KCNJ10: variants seen among roughly 807,000 people sequenced by gnomAD.
KCNJ10 encodes the protein potassium inwardly rectifying channel subfamily J member 10, also known as ATP-sensitive inward rectifier potassium channel 10.
A neutral mutation model predicts 22.2 loss-of-function variants in KCNJ10; 9 were observed. The observed-to-expected ratio is 0.40, with a 90% CI of 0.24 to 0.71. The LOEUF is 0.71. KCNJ10 is among the 30% of genes least tolerant of loss of function. The pLI is 0.35. For synonymous variants in KCNJ10, 184 were observed against 187.3 expected (o/e 0.98, Z 0.15); for missense variants, 337 against 482.7 (o/e 0.70, Z 2.83).
chr1:160,053,407 AAG>A (rs1648950559), intron 1 of KCNJ10, among the ~76,000 whole-genome samples: 1 of 152,206 alleles, frequency 6.6e-6, no homozygotes, highest in Non-Finnish European at 1.5e-5. Flanking sequence ...GGAGAGGGGT[AAG>A]AGAGGAAGGG....
At chr1:160,063,424 A>T (rs1479886896) in intron 1 of KCNJ10, 1 of 152,228 alleles carries the variant, frequency 6.6e-6, no homozygotes, top group Non-Finnish European at 1.5e-5. Flanking sequence ...TGCTCCCCAC[A>T]CGGCAAGACA....
chr1:160,037,822 G>A lies in KCNJ10; in HGVS notation c.*3571C>T, dbSNP rs1648511425. The A allele has an allele frequency of 6.6e-6, 1 of 152,540 alleles. No individual in the cohort carries two copies. The highest frequency in any genetic ancestry group is 1.5e-5 in the Non-Finnish European group (1 of 68,364). The allele number at this position is 152,540 out of a possible 1,614,324, so 9.4% of individuals were successfully genotyped here. A position where few individuals can be genotyped will look rare whatever the true frequency, so the allele number is the denominator to read the frequency against. On this transcript the variant is annotated 3_prime_UTR_variant, in exon 2 of 2. Transcript: ENST00000644903. ...GCTCAGACCTTATAGGGAAACTACT[G>A]GATGATTTTATTAGGCTGACAGGGG...
Position 160,041,830 on chromosome 1 carries a change from T to G in KCNJ10, c.703A>C (p.Asn235His). The G allele has an allele frequency of 6.2e-7, 1 of 1,614,192 alleles. No homozygotes were observed. Among genetic ancestry groups the G allele is most frequent in the Non-Finnish European group, 8.5e-7 (1 of 1,180,012 alleles). Residue 235 changes from asparagine to histidine, a missense_variant, in exon 2 of 2, where the codon AAT becomes CAT. Asn to His is a moderately conservative substitution (Grantham distance 68). Transcript: ENST00000644903. This position sits in a 1 kb window ranked among gnomAD's most constrained non-coding sequence, Gnocchi z 4.4. ...GCTGTGTCTACTTGGAAAGTCACAT[T>G]GACCTGGTTGAGCCGGATGTTCTCC... ...EGENIRLNQV[N>H]VTFQVDTASD...
chr1:160,065,449 C>T (rs1355102946), intron 1 of KCNJ10, among the ~76,000 whole-genome samples: 1 of 152,078 alleles, frequency 6.6e-6, no homozygotes, highest in African/African-American at 2.4e-5. Context: ...TAGAGGAAAC[C>T]CCCGGCTAAT....
intron 1 of KCNJ10, among the ~76,000 whole-genome samples, chr1:160,065,769 T>G (rs754563926): frequency 5.3e-5 from 8 of 152,130 alleles, no homozygotes; most frequent in Non-Finnish European, 1.2e-4. Context: ...TTTTATCCAA[T>G]GCCAACAGAT....
chr1:160,042,215 G>A lies in KCNJ10; in HGVS notation c.318C>T (p.Thr106=). Residue 106 remains threonine (T), a synonymous_variant, in exon 2 of 2, where the codon ACC becomes ACT. Coordinates refer to ENST00000644903, the MANE Select transcript of KCNJ10 (RefSeq NM_002241.5). ...GTGTGTGCACCTGTACCACACAGGG[G>A]GTGTGGTTGGCCGGGGGGTCCAGCT... is the stretch of plus-strand genomic sequence containing the variant. ...LLELDPPANH[T]PCVVQVHTLT... 6.2e-7 allele frequency: 1 copy of A among 1,613,336 alleles called. No individual in the cohort carries two copies. Among genetic ancestry groups the A allele is most frequent in the Non-Finnish European group, 8.5e-7 (1 of 1,179,376 alleles).
intron 1 of KCNJ10, among the ~76,000 whole-genome samples, 167 bp downstream of exon 1, chr1:160,069,855 C>T (rs1649410278): frequency 1.3e-5 from 2 of 152,192 alleles, no homozygotes; most frequent in African/African-American, 4.8e-5. Context: ...TCCCAGGAGG[C>T]TCCATTTGGG....
At chr1:160,066,189 C>G (rs555375478) in intron 1 of KCNJ10, among the ~76,000 whole-genome samples, 32 of 152,254 alleles carry the variant, frequency 2.1e-4, no homozygotes, top group Admixed American at 7.2e-4. Flanking sequence ...CTCAACCACT[C>G]AGTTCTCATT....
At chr1:160,046,381 G>A (rs1478169003) in intron 1 of KCNJ10, among the ~76,000 whole-genome samples, 1 of 152,180 alleles carries the variant, frequency 6.6e-6, no homozygotes, top group Non-Finnish European at 1.5e-5. Flanking sequence ...CCAGAATCCA[G>A]GTCTCCCAGC....
intron 1 of KCNJ10, among the ~76,000 whole-genome samples, chr1:160,057,580 C>T (rs1009942491): frequency 2.0e-4 from 30 of 152,224 alleles, no homozygotes; most frequent in African/African-American, 5.8e-4. Context: ...CTCAGCCTCT[C>T]GCCCTCTTGT....
rs1483666907 is a variant in KCNJ10, at chr1:160,041,238, G to A, written c.*155C>T. 1 of 734,070 alleles carries A rather than the reference G, an allele frequency of 1.4e-6. No homozygotes were observed. The highest frequency in any genetic ancestry group is 1.7e-5 in the African/African-American group (1 of 57,250). The allele number at this position is 734,070 out of a possible 1,614,324, so 45.5% of individuals were successfully genotyped here. ...CAGTGGGAGGCGAACCTGGACTCCA[G>A]TTGGCCTAAGCTACCAACAGGCCAC... is the stretch of plus-strand genomic sequence containing the variant. On this transcript the variant is annotated 3_prime_UTR_variant, in exon 2 of 2. Transcript: ENST00000644903. The surrounding 1 kb of genome is among the most constrained non-coding windows in gnomAD (Gnocchi z 4.4).
At position 160,042,480 on chromosome 1, in the gene KCNJ10, C is replaced by T. The variant is rs115466046; in HGVS notation, c.53G>A (p.Arg18Gln). 0.015 allele frequency: 23,674 copies of T among 1,614,106 alleles called. 200 individuals are homozygous for T. Among genetic ancestry groups the T allele is most frequent in the Middle Eastern group, 0.024 (144 of 6,062 alleles). ...TCGTATCCCTGGGCCCATTAGGGGC[C>T]GGCTTTCTGTCTGAGTGGTCTGACT... is the stretch of plus-strand genomic sequence containing the variant. The part of the protein sequence containing the change: ...YYSQTTQTES[R>Q]PLMGPGIRRR... Residue 18 changes from arginine (R) to glutamine (Q), a missense_variant, in exon 2 of 2, where the codon CGG becomes CAG. Around this residue, in one of 3 missense-constraint regions of KCNJ10, gnomAD observed 107 missense variants for 135.2 expected, o/e 0.79. Transcript: ENST00000644903.
chr1:160,059,013 C>A (rs1238051553), intron 1 of KCNJ10, among the ~76,000 whole-genome samples: 1 of 152,220 alleles, frequency 6.6e-6, no homozygotes, highest in African/African-American at 2.4e-5. Context: ...AACTTCCTAC[C>A]TCAGGCTTTA....
chr1:160,049,675 TTATATATATA>T (rs57790887), intron 1 of KCNJ10, among the ~76,000 whole-genome samples: 737 of 47,092 alleles, frequency 0.016, 16 homozygotes, highest in African/African-American at 0.041. Context: ...TTTTATTTAT[TTATATATATA>T]TATATATATA....
At chr1:160,049,580 T>G (rs1341185949) in intron 1 of KCNJ10, among the ~76,000 whole-genome samples, 2 of 150,490 alleles carry the variant, frequency 1.3e-5, no homozygotes, top group Non-Finnish European at 3.0e-5. Flanking sequence ...TATATCCAAC[T>G]ATACCCGTAA....
chr1:160,050,948 C>A (rs1171666396), intron 1 of KCNJ10, among the ~76,000 whole-genome samples: 2 of 151,996 alleles, frequency 1.3e-5, no homozygotes, highest in African/African-American at 4.8e-5. Flanking sequence ...CTTTTCTTTT[C>A]TCTTCTTTTC....
intron 1 of KCNJ10, among the ~76,000 whole-genome samples, chr1:160,051,315 T>C (rs1648899266): frequency 6.6e-6 from 1 of 152,134 alleles, no homozygotes; most frequent in Admixed American, 6.5e-5. Flanking sequence ...TTCAGGGACA[T>C]GGAAGGAGAG....
At chr1:160,068,833 C>G (rs1462474608) in intron 1 of KCNJ10, among the ~76,000 whole-genome samples, 3 of 152,190 alleles carry the variant, frequency 2.0e-5, no homozygotes, top group Non-Finnish European at 2.9e-5. Context: ...CTGCCCACCC[C>G]TCCTGGGGCT....
At chr1:160,051,622 T>G (rs548651203) in intron 1 of KCNJ10, among the ~76,000 whole-genome samples, 14 of 152,224 alleles carry the variant, frequency 9.2e-5, no homozygotes, top group African/African-American at 3.1e-4. Context: ...TAGTGGAGGT[T>G]AGCAGGAGCC....
Sources: gnomAD v4.1 joint callset for allele counts (sites outside exome capture counted in the v4.1 genomes callset) on GRCh38, gnomAD v4.1.1 for gene constraint, gnomAD v4.1.1 regional missense constraint, Gnocchi (gnomAD v3.1) non-coding constraint, MANE v1.5 for transcripts, NCBI Gene and HGNC (gene_info 2026-07-23, HGNC 2026-07-21) for gene names.